Variants in WHAMM observed in about 807,000 individuals in gnomAD.
The protein encoded by WHAMM is WASP homolog associated with actin, golgi membranes and microtubules.
Under a neutral mutation model 76.5 loss-of-function variants are expected in WHAMM, and 67 were observed. The ratio of observed to expected loss-of-function variants is 0.88; its 90% CI spans 0.72 to 1.07. The LOEUF is 1.07. Ranked by LOEUF, WHAMM falls within the 50% of genes least tolerant of loss-of-function variation. The pLI is 0.00. For synonymous variants in WHAMM, 419 were observed against 422.1 expected, an observed-to-expected ratio of 0.99 and a Z score of 0.09; for missense variants, 1,021 against 1,051.1, an observed-to-expected ratio of 0.97 and a Z score of 0.40.
chr15:82,825,373 A>T (rs771749131), intron 6 of WHAMM, among the ~76,000 whole-genome samples: 18 of 151,994 alleles, frequency 1.2e-4, no homozygotes, highest in African/African-American at 3.9e-4. Context: ...TATATATATA[A>T]AATGCTCCTA....
chr15:82,824,014 A>AT (rs1023165618), intron 6 of WHAMM, among the ~76,000 whole-genome samples: 2 of 151,938 alleles, frequency 1.3e-5, no homozygotes, highest in South Asian at 2.1e-4. Flanking sequence ...ATATTTGGTG[A>AT]TTTTTTTTCT....
At chr15:82,830,377 A>G (rs2051006410) in intron 8 of WHAMM, among the ~76,000 whole-genome samples, 1 of 152,110 alleles carries the variant, frequency 6.6e-6, no homozygotes, top group Non-Finnish European at 1.5e-5. Flanking sequence ...TCATTTTATT[A>G]CAGAGAAGGT....
intron 8 of WHAMM, among the ~76,000 whole-genome samples, chr15:82,829,623 T>C (rs2050994047): frequency 6.6e-6 from 1 of 151,946 alleles, no homozygotes; most frequent in African/African-American, 2.4e-5. Context: ...GTGAGGGAAA[T>C]AGAAATACTC....
In WHAMM at chr15:82,810,117, T is replaced by C. The variant is rs1423413179; in HGVS notation, c.391T>C (p.Trp131Arg). 1.5e-6 allele frequency: 2 copies of C among 1,341,098 alleles called. No individual in the cohort carries two copies. Among genetic ancestry groups the C allele is most frequent in the Non-Finnish European group, 1.9e-6 (2 of 1,039,758 alleles). 83.1% of individuals were successfully genotyped at this position (1,341,098 alleles called of 1,614,324 possible). A position where few individuals can be genotyped will look rare whatever the true frequency, so the allele number is the denominator to read the frequency against. Reference protein sequence around the residue: ...GLGLGLWALLWPTRAGPGEAA... With the variant: ...GLGLGLWALLRPTRAGPGEAA... ...GGGGCTCGGGCTGTGGGCGCTGCTG[T>C]GGCCGACGCGCGCGGGTCCCGGCGA... Residue 131 changes from tryptophan (W) to arginine (R), a missense_variant, in exon 1 of 10, where the codon TGG (tryptophan) becomes CGG (arginine). Around this residue, in one of 3 missense-constraint regions of WHAMM, gnomAD observed 501 missense variants for 524.9 expected, o/e 0.95. Transcript: ENST00000286760.
chr15:82,811,147 C>T (rs1363271057), intron 1 of WHAMM, among the ~76,000 whole-genome samples: 1 of 152,170 alleles, frequency 6.6e-6, no homozygotes, highest in Non-Finnish European at 1.5e-5. Context: ...GTAGAATAAG[C>T]TTTCCAAATT....
intron 6 of WHAMM, among the ~76,000 whole-genome samples, chr15:82,823,600 C>T (rs2050876078): frequency 6.6e-6 from 1 of 152,176 alleles, no homozygotes; most frequent in African/African-American, 2.4e-5. Context: ...GAGTCTTGCT[C>T]TGTCACCCAG....
intron 2 of WHAMM, among the ~76,000 whole-genome samples, chr15:82,815,130 TATATATATATATATATATATATATA>T (rs1566991902): frequency 0.041 from 1,201 of 29,058 alleles, 93 homozygotes; most frequent in African/African-American, 0.23. Flanking sequence ...TATATATATA[TATATATATATATATATATATATATA>T]GTACAATTCA....
intron 1 of WHAMM, among the ~76,000 whole-genome samples, chr15:82,811,264 A>T (rs532084809): frequency 1.3e-5 from 2 of 152,362 alleles, no homozygotes; most frequent in African/African-American, 4.8e-5. Context: ...ACTTTAGAAT[A>T]TGAGGAAACC....
rs2050598389 is a variant in WHAMM at position 82,810,023 on chromosome 15, G to A, written c.297G>A (p.Pro99=). The A allele has an allele frequency of 2.4e-6, 3 of 1,233,784 alleles. No individual in the cohort carries two copies. The highest frequency in any genetic ancestry group is 2.0e-6 in the Non-Finnish European group (2 of 990,372). 76.4% of individuals were successfully genotyped at this position (1,233,784 alleles called of 1,614,324 possible). ...GAHRQLAALW[P]PLERCFPRLP... ...ACCGGCAGTTGGCGGCGCTGTGGCC[G>A]CCTCTGGAGCGCTGCTTCCCGCGGC... is the stretch of plus-strand genomic sequence containing the variant. Residue 99 remains proline, a synonymous_variant, in exon 1 of 10, where the codon CCG becomes CCA. Transcript: ENST00000286760.
In WHAMM at chr15:82,835,799, T is replaced by A. The variant is rs1030650084; in HGVS notation, c.*2263T>A. ...GTCCAGATCCCAGAGACAGGTCCAG[T>A]GGCTGTGGCCCAGGCCTCCTTCCCC... On this transcript the variant is annotated 3_prime_UTR_variant, in exon 10 of 10. Coordinates refer to ENST00000286760, the MANE Select transcript of WHAMM (RefSeq NM_001080435.3). 6.6e-6 allele frequency: 1 copy of A among 152,234 alleles called. No individual in the cohort carries two copies. The highest frequency in any genetic ancestry group is 6.5e-5 in the Admixed American group (1 of 15,280). 9.4% of individuals were successfully genotyped at this position (152,234 alleles called of 1,614,324 possible).
chr15:82,827,528 A>G (rs2050955734), intron 8 of WHAMM, among the ~76,000 whole-genome samples: 1 of 152,210 alleles, frequency 6.6e-6, no homozygotes, highest in South Asian at 2.1e-4. Context: ...ATCATTGTAC[A>G]TATTTATGAG....
chr15:82,824,162 C>CTTTTTTTTTTTTTTTTTTTTTTTTTT (rs71156055), intron 6 of WHAMM, among the ~76,000 whole-genome samples: 3 of 118,080 alleles, frequency 2.5e-5, no homozygotes, highest in Non-Finnish European at 3.5e-5. Flanking sequence ...TACTTTTCTC[C>CTTTTTTTTTTTTTTTTTTTTTTTTTT]TTTTTTTTTT....
chr15:82,813,046 T>A, intron 1 of WHAMM, 57 bp from the exon 2 acceptor site: 1 of 1,288,896 alleles, frequency 7.8e-7, no homozygotes, highest in Non-Finnish European at 1.0e-6. Context: ...TTTTGTTTGT[T>A]GGGTATGTAT....
rs2051103399 is a variant in WHAMM at position 82,834,700 on chromosome 15, A to G, written c.*1164A>G. The G allele has an allele frequency of 6.6e-6, 1 of 152,634 alleles. No individual in the cohort carries two copies. Among genetic ancestry groups the G allele is most frequent in the African/African-American group, 2.4e-5 (1 of 41,448 alleles). 9.5% of individuals were successfully genotyped at this position (152,634 alleles called of 1,614,324 possible). A position where few individuals can be genotyped will look rare whatever the true frequency, so the allele number is the denominator to read the frequency against. ...TAAATGAAATTTATTTTAGGCACCA[A>G]GCACTACATAAACTCATAATAACTA... On this transcript the variant is annotated 3_prime_UTR_variant, in exon 10 of 10. Transcript: ENST00000286760.
At chr15:82,814,415 A>G (rs555371377) in intron 2 of WHAMM, among the ~76,000 whole-genome samples, 4 of 152,168 alleles carry the variant, frequency 2.6e-5, no homozygotes, top group African/African-American at 7.2e-5. Context: ...TTGAAAGTCT[A>G]TTATTTGGAA....
intron 7 of WHAMM, 94 bp downstream of exon 7, chr15:82,826,590 G>A: frequency 6.3e-7 from 1 of 1,582,564 alleles, no homozygotes; most frequent in Admixed American, 1.7e-5. Context: ...CCCTGGACCT[G>A]CAGCTGTCAG....
rs2051114695 is a variant in WHAMM, at chr15:82,835,364, T to TCCTC, written c.*1831_*1834dup. ...TGGTCTCGATCTCTTGACCTCGTGA[T>TCCTC]CCTCCCACCTTGGCCTCCCAAATGC... On this transcript the variant is annotated 3_prime_UTR_variant, in exon 10 of 10. Coordinates refer to ENST00000286760, the MANE Select transcript of WHAMM (RefSeq NM_001080435.3). The TCCTC allele has an allele frequency of 6.6e-6, 1 of 152,544 alleles. No individual in the cohort carries two copies. Among genetic ancestry groups the TCCTC allele is most frequent in the Non-Finnish European group, 1.5e-5 (1 of 68,294 alleles). 9.4% of individuals were successfully genotyped at this position (152,544 alleles called of 1,614,324 possible).
chr15:82,831,160 C>A, intron 9 of WHAMM, 81 bp downstream of exon 9: 1 of 1,519,750 alleles, frequency 6.6e-7, no homozygotes. Flanking sequence ...CCATCATCTT[C>A]AAATGGAAAT....
Position 82,809,640 on chromosome 15 carries a change from G to A in WHAMM, c.-87G>A. On this transcript the variant is annotated 5_prime_UTR_variant, in exon 1 of 10. An upstream start codon of the reference 5' UTR is lost. Coordinates refer to ENST00000286760, the MANE Select transcript of WHAMM (RefSeq NM_001080435.3). The stretch of plus-strand genomic sequence containing the variant: ...CGCGGTTTCGATTCTAGCGAAAAAT[G>A]ATTTGGCTCGGACTGTCCCGTGACA... 8.7e-7 allele frequency: 1 copy of A among 1,153,818 alleles called. No homozygotes were observed. Among genetic ancestry groups the A allele is most frequent in the Non-Finnish European group, 1.1e-6 (1 of 898,258 alleles). 71.5% of individuals were successfully genotyped at this position (1,153,818 alleles called of 1,614,324 possible). A position where few individuals can be genotyped will look rare whatever the true frequency, so the allele number is the denominator to read the frequency against.
Sources: allele counts gnomAD v4.1 joint callset (sites outside exome capture counted in the v4.1 genomes callset), GRCh38; gene constraint gnomAD v4.1.1; regional missense constraint gnomAD v4.1.1; transcripts MANE v1.5; gene names NCBI Gene and HGNC (gene_info 2026-07-23, HGNC 2026-07-21).